The following ENAH variants were observed in gnomAD, a reference collection of about 807,000 sequenced individuals.
ENAH encodes the protein ENAH actin regulator, also known as protein enabled homolog.
In ENAH, 23 loss-of-function variants were observed where a neutral mutation model predicts 78.7. The ratio of observed to expected loss-of-function variants is 0.29; its 90% CI spans 0.21 to 0.41. The LOEUF is 0.41. Among genes scored for constraint, ENAH ranks in the 10% least tolerant of loss-of-function variants. The probability of loss-of-function intolerance (pLI) is 1.00; values close to 1 mark genes in which losing one functional copy is unlikely to be tolerated. For synonymous variants in ENAH, 226 were observed against 241.0 expected (o/e 0.94, Z 0.58); for missense variants, 544 against 691.0 (o/e 0.79, Z 2.39).
At chr1:225,569,948 G>A (rs2096752548) in intron 1 of ENAH, among the ~76,000 whole-genome samples, 1 of 152,130 alleles carries the variant, frequency 6.6e-6, no homozygotes, top group Non-Finnish European at 1.5e-5. Context: ...GCTCACACCT[G>A]TAATCCCAGC....
At chr1:225,542,117 A>G (rs562934175) in intron 3 of ENAH, among the ~76,000 whole-genome samples, 4 of 152,174 alleles carry the variant, frequency 2.6e-5, no homozygotes, top group Non-Finnish European at 5.9e-5. Flanking sequence ...CTTGACCTCA[A>G]GTGATCCTTT....
chr1:225,516,969 T>C (rs1244291112), intron 6 of ENAH, among the ~76,000 whole-genome samples: 1 of 151,472 alleles, frequency 6.6e-6, no homozygotes, highest in Non-Finnish European at 1.5e-5. Flanking sequence ...CTATAAAAGA[T>C]ATCAAAACCT....
In ENAH at chr1:225,494,573, T is replaced by G. The variant is rs538182448; in HGVS notation, c.*3202A>C. ...TGTGTCAAGGTGGGCAGAGAGAAAA[T>G]AAGAAGAGGGAACACCCAACAGTTA... On this transcript the variant is annotated 3_prime_UTR_variant, in exon 14 of 14. Coordinates refer to ENST00000366843, the MANE Select transcript of ENAH (RefSeq NM_018212.6). 2.0e-5 allele frequency: 3 copies of G among 152,166 alleles called. No homozygotes were observed. Among genetic ancestry groups the G allele is most frequent in the South Asian group, 4.1e-4 (2 of 4,826 alleles). 9.4% of individuals were successfully genotyped at this position (152,166 alleles called of 1,614,324 possible). A position where few individuals can be genotyped will look rare whatever the true frequency, so the allele number is the denominator to read the frequency against.
chr1:225,524,381 A>G (rs986234167), intron 4 of ENAH, among the ~76,000 whole-genome samples: 3 of 152,252 alleles, frequency 2.0e-5, no homozygotes, highest in Non-Finnish European at 4.4e-5. Flanking sequence ...AACAAAATGA[A>G]GTAGGAACAG....
intron 3 of ENAH, among the ~76,000 whole-genome samples, chr1:225,539,313 T>C (rs2096577819): frequency 1.3e-5 from 2 of 152,194 alleles, no homozygotes; most frequent in African/African-American, 2.4e-5. Flanking sequence ...CATACATCAG[T>C]TGGGGCAGGG....
chr1:225,551,986 A>G (rs1032177776), intron 3 of ENAH, among the ~76,000 whole-genome samples: 4 of 152,140 alleles, frequency 2.6e-5, no homozygotes, highest in Non-Finnish European at 5.9e-5. Flanking sequence ...TTGGCAGGGT[A>G]TGATCAAACT....
In ENAH at chr1:225,652,752, G is replaced by T. The variant is rs376583227; in HGVS notation, c.-62C>A. On this transcript the variant is annotated 5_prime_UTR_variant, in exon 1 of 14. Coordinates refer to ENST00000366843, the MANE Select transcript of ENAH (RefSeq NM_018212.6). ...AGACGCAGAAGGCGCCGAGCCGAGGGGGGGGTCTCTCCTCCAGGGGTGGGG... is the reference window on the plus strand; with the variant it reads ...AGACGCAGAAGGCGCCGAGCCGAGGTGGGGGTCTCTCCTCCAGGGGTGGGG... 2,373 of 1,291,054 alleles carry T rather than the reference G, an allele frequency of 1.8e-3. 35 individuals carry two copies. The African/African-American group carries it at 0.032, about 17-fold the overall frequency. The allele number at this position is 1,291,054 out of a possible 1,614,324, so 80.0% of individuals were successfully genotyped here.
intron 2 of ENAH, among the ~76,000 whole-genome samples, chr1:225,558,431 A>AT (rs1171932023): frequency 6.6e-6 from 1 of 152,062 alleles, no homozygotes; most frequent in Admixed American, 6.5e-5. Flanking sequence ...CTACATCTAC[A>AT]TTTTCAAAAT....
intron 1 of ENAH, among the ~76,000 whole-genome samples, chr1:225,642,887 T>C (rs1032762319): frequency 2.0e-5 from 3 of 152,070 alleles, no homozygotes; most frequent in South Asian, 4.1e-4. Context: ...ATTAAACCAA[T>C]GAGGTAACAC....
intron 3 of ENAH, among the ~76,000 whole-genome samples, chr1:225,533,317 G>T (rs1004040237): frequency 1.3e-4 from 20 of 152,238 alleles, no homozygotes; most frequent in African/African-American, 4.6e-4. Flanking sequence ...GTCAGCTGCC[G>T]CTGTATGTTC....
rs1663271990 is a variant in ENAH, at chr1:225,652,714, C to G, written c.-24G>C. Reference sequence around the variant, plus strand: ...ATGGTGCCGGCGGCGCAGAGGCTTCCCCACCAGCCGGGAGACGCAGAAGGC... The same window carrying G: ...ATGGTGCCGGCGGCGCAGAGGCTTCGCCACCAGCCGGGAGACGCAGAAGGC... On this transcript the variant is annotated 5_prime_UTR_variant, in exon 1 of 14. Transcript: ENST00000366843. 5 of 1,318,236 alleles carry G rather than the reference C, an allele frequency of 3.8e-6. No homozygotes were observed. Among genetic ancestry groups the G allele is most frequent in the Non-Finnish European group, 4.8e-6 (5 of 1,035,822 alleles). The allele number at this position is 1,318,236 out of a possible 1,614,324, so 81.7% of individuals were successfully genotyped here. A position where few individuals can be genotyped will look rare whatever the true frequency, so the allele number is the denominator to read the frequency against.
At chr1:225,579,253 T>C (rs567782862) in intron 1 of ENAH, among the ~76,000 whole-genome samples, 1 of 152,350 alleles carries the variant, frequency 6.6e-6, no homozygotes, top group East Asian at 1.9e-4. Flanking sequence ...TTCCACAAAA[T>C]TACCTCTTCA....
intron 1 of ENAH, among the ~76,000 whole-genome samples, chr1:225,645,127 T>TATCTTCAA (rs1268286700): frequency 6.6e-6 from 1 of 152,228 alleles, no homozygotes. Context: ...CCAGTGGTTC[T>TATCTTCAA]ATCTTCAATC....
intron 4 of ENAH, 119 bp downstream of exon 4, chr1:225,530,435 A>T (rs2096532446): frequency 2.7e-6 from 2 of 729,334 alleles, no homozygotes; most frequent in Non-Finnish European, 4.7e-6. Context: ...TACTAATGTA[A>T]GAATAAAAGT....
Position 225,514,879 on chromosome 1 carries a change from G to T in ENAH, c.935C>A (p.Ala312Glu), listed in dbSNP as rs1272275853. 1 of 1,610,364 alleles carries T rather than the reference G, an allele frequency of 6.2e-7. No homozygotes were observed. The highest frequency in any genetic ancestry group is 2.2e-5 in the East Asian group (1 of 44,836). ...SQQGIVLGPL[A>E]PPPPPPLPPG... is the part of the protein sequence containing the mutation. ...TGGGAGTGGTGGAGGAGGTGGAGGT[G>T]CAAGTGGTCCCAAGACAATGCCTGA... is the stretch of plus-strand genomic sequence containing the variant. Residue 312 changes from alanine to glutamate, a missense_variant, in exon 7 of 14, where the codon GCA becomes GAA. Transcript: ENST00000366843.
chr1:225,521,203 T>G (rs1375906738), intron 4 of ENAH, among the ~76,000 whole-genome samples: 1 of 152,210 alleles, frequency 6.6e-6, no homozygotes, highest in African/African-American at 2.4e-5. Context: ...CTATTGGCAA[T>G]ACTGCAATAA....
At chr1:225,521,921 G>A (rs1413331952) in intron 4 of ENAH, among the ~76,000 whole-genome samples, 6 of 151,848 alleles carry the variant, frequency 4.0e-5, no homozygotes, top group East Asian at 3.9e-4. Flanking sequence ...TCAGCCTCCC[G>A]AGTAGCTGGG....
At chr1:225,616,362 A>C (rs1196903948) in intron 1 of ENAH, among the ~76,000 whole-genome samples, 1 of 152,102 alleles carries the variant, frequency 6.6e-6, no homozygotes, top group Non-Finnish European at 1.5e-5. Context: ...ATACTTTGAA[A>C]TAGTCACATT....
chr1:225,597,040 C>T (rs1462994810), intron 1 of ENAH, among the ~76,000 whole-genome samples: 1 of 152,166 alleles, frequency 6.6e-6, no homozygotes, highest in African/African-American at 2.4e-5. Context: ...CTCTCCCCTT[C>T]TTTTGCCCAT....
Sources: allele counts gnomAD v4.1 joint callset (sites outside exome capture counted in the v4.1 genomes callset), GRCh38; gene constraint gnomAD v4.1.1; transcripts MANE v1.5; gene names NCBI Gene and HGNC (gene_info 2026-07-23, HGNC 2026-07-21).